LUZP2: variants seen among roughly 807,000 people sequenced by gnomAD.
LUZP2 encodes the protein leucine zipper protein 2.
In LUZP2, 52 loss-of-function variants were observed where a neutral mutation model predicts 51.6. The ratio of observed to expected loss-of-function variants is 1.01; its 90% CI spans 0.81 to 1.27. The LOEUF is 1.27. Ranked by LOEUF, LUZP2 falls within the 50% of genes most tolerant of loss-of-function variation. The pLI, the probability that LUZP2 is intolerant of heterozygous loss-of-function variation, is 0.00. For synonymous variants in LUZP2, 154 were observed against 137.3 expected, an observed-to-expected ratio of 1.12 and a Z score of -0.85; for missense variants, 436 against 395.4, an observed-to-expected ratio of 1.10 and a Z score of -0.87.
chr11:24,508,109 C>T (rs1850194770), intron 1 of LUZP2, among the ~76,000 whole-genome samples: 1 of 151,974 alleles, frequency 6.6e-6, no homozygotes, highest in Non-Finnish European at 1.5e-5. Context: ...GATGTAGAAA[C>T]TAAGGCACAT....
chr11:24,637,369 T>C (rs1855139675), intron 1 of LUZP2, among the ~76,000 whole-genome samples: 1 of 151,902 alleles, frequency 6.6e-6, no homozygotes, highest in East Asian at 1.9e-4. Context: ...TTGAGTTAAC[T>C]GTACAAATTG....
intron 1 of LUZP2, among the ~76,000 whole-genome samples, chr11:24,617,309 A>G (rs12804288): frequency 0.037 from 5,675 of 151,702 alleles, 277 homozygotes; most frequent in African/African-American, 0.11. Context: ...AAAAAATCCA[A>G]TTTTGCCTTA....
intron 5 of LUZP2, among the ~76,000 whole-genome samples, chr11:24,774,379 T>C (rs765546119): frequency 0.013 from 1,401 of 106,400 alleles, 61 homozygotes; most frequent in African/African-American, 0.049. Flanking sequence ...TATATATATA[T>C]ATACATACAC....
chr11:24,733,323 T>G (rs1858789861), intron 3 of LUZP2, among the ~76,000 whole-genome samples: 1 of 151,856 alleles, frequency 6.6e-6, no homozygotes, highest in African/African-American at 2.4e-5. Context: ...TTATTTTAAT[T>G]ATTTCATTGG....
intron 1 of LUZP2, among the ~76,000 whole-genome samples, chr11:24,539,726 C>A (rs960422405): frequency 6.6e-6 from 1 of 151,970 alleles, no homozygotes; most frequent in Non-Finnish European, 1.5e-5. Context: ...ACCTACAATG[C>A]CTTTTAGCTG....
intron 5 of LUZP2, among the ~76,000 whole-genome samples, 190 bp downstream of exon 5, chr11:24,763,498 A>G (rs1285690427): frequency 1.3e-5 from 2 of 152,074 alleles, no homozygotes; most frequent in Non-Finnish European, 2.9e-5. Context: ...TATATATTTG[A>G]TCATTTCATT....
At chr11:25,070,850 A>G (rs1017947582) in intron 10 of LUZP2, among the ~76,000 whole-genome samples, 48 of 150,826 alleles carry the variant, frequency 3.2e-4, no homozygotes, top group Non-Finnish European at 7.4e-5. Context: ...TGCCTGACAA[A>G]ATAAGAAAAA....
chr11:24,657,955 C>T (rs965277406), intron 1 of LUZP2, among the ~76,000 whole-genome samples: 1 of 152,162 alleles, frequency 6.6e-6, no homozygotes, highest in Non-Finnish European at 1.5e-5. Flanking sequence ...CCATTCCATG[C>T]TCATGGGTAG....
chr11:24,636,916 G>A (rs575932221), intron 1 of LUZP2, among the ~76,000 whole-genome samples: 6 of 151,594 alleles, frequency 4.0e-5, no homozygotes, highest in African/African-American at 1.5e-4. Context: ...GCCAATTTTT[G>A]CTTATAAAAA....
intron 9 of LUZP2, among the ~76,000 whole-genome samples, chr11:24,995,611 T>C (rs1856469383): frequency 6.6e-6 from 1 of 152,128 alleles, no homozygotes; most frequent in Non-Finnish European, 1.5e-5. Flanking sequence ...TTGACAGATT[T>C]TTAAATTTAG....
intron 10 of LUZP2, among the ~76,000 whole-genome samples, chr11:25,074,928 A>G (rs1859257505): frequency 6.6e-6 from 1 of 152,136 alleles, no homozygotes; most frequent in Non-Finnish European, 1.5e-5. Flanking sequence ...TTTTTCCCTA[A>G]ACTTAAATGA....
intron 7 of LUZP2, among the ~76,000 whole-genome samples, chr11:24,926,578 T>G (rs1854276127): frequency 6.8e-6 from 1 of 147,988 alleles, no homozygotes; most frequent in Non-Finnish European, 1.5e-5. Flanking sequence ...TATATACGTG[T>G]ATATATATGT....
chr11:24,635,421 AGT>A (rs3078023), intron 1 of LUZP2, among the ~76,000 whole-genome samples: 18 of 150,196 alleles, frequency 1.2e-4, no homozygotes, highest in South Asian at 4.2e-4. Context: ...ATCAGAAAAG[AGT>A]GTGTGTGTGT....
intron 9 of LUZP2, among the ~76,000 whole-genome samples, chr11:25,049,489 T>C (rs544559974): frequency 5.6e-4 from 85 of 152,278 alleles, no homozygotes; most frequent in African/African-American, 1.9e-3. Flanking sequence ...TATTTTCAAT[T>C]GTGTTTCTAG....
At chr11:24,926,462 T>C (rs1854264814) in intron 7 of LUZP2, among the ~76,000 whole-genome samples, 1 of 140,102 alleles carries the variant, frequency 7.1e-6, no homozygotes, top group Non-Finnish European at 1.6e-5. Flanking sequence ...TGTGTATATA[T>C]ATACGTGTAT....
intron 9 of LUZP2, among the ~76,000 whole-genome samples, chr11:24,998,869 G>A (rs2133938851): frequency 6.6e-6 from 1 of 152,108 alleles, no homozygotes; most frequent in South Asian, 2.1e-4. Flanking sequence ...CATGCATGCA[G>A]TCGATAACTA....
rs1219812673 is a variant in LUZP2, at chr11:25,080,564, G to A, written c.*1906G>A. Reference sequence around the variant, plus strand: ...GATAAAATAAAAGATGAAGGTCTGAGGTTTCTTCTGACTCCTTCATATTTC... The same window carrying A: ...GATAAAATAAAAGATGAAGGTCTGAAGTTTCTTCTGACTCCTTCATATTTC... On this transcript the variant is annotated 3_prime_UTR_variant, in exon 12 of 12. Coordinates refer to ENST00000336930, the MANE Select transcript of LUZP2 (RefSeq NM_001009909.4). 1.3e-5 allele frequency: 2 copies of A among 152,054 alleles called. No individual in the cohort carries two copies. Among genetic ancestry groups the A allele is most frequent in the Non-Finnish European group, 2.9e-5 (2 of 68,004 alleles). The allele number at this position is 152,054 out of a possible 1,614,324, so 9.4% of individuals were successfully genotyped here.
chr11:24,984,109 T>A (rs1001710247), intron 9 of LUZP2, among the ~76,000 whole-genome samples: 3 of 151,678 alleles, frequency 2.0e-5, no homozygotes, highest in Non-Finnish European at 4.4e-5. Flanking sequence ...AGTTCTCTGA[T>A]CACTTGTCTG....
At chr11:24,887,687 A>G (rs1331312742) in intron 5 of LUZP2, among the ~76,000 whole-genome samples, 3 of 152,230 alleles carry the variant, frequency 2.0e-5, no homozygotes. Context: ...ACATAAAATT[A>G]TAAGAATTCG....
Sources: allele counts gnomAD v4.1 joint callset (sites outside exome capture counted in the v4.1 genomes callset), GRCh38; gene constraint gnomAD v4.1.1; transcripts MANE v1.5; gene names NCBI Gene and HGNC (gene_info 2026-07-23, HGNC 2026-07-21).